ERN1: variants seen among roughly 807,000 people sequenced by gnomAD.
ERN1 encodes the protein serine/threonine-protein kinase/endoribonuclease IRE1.
A neutral mutation model predicts 113.1 loss-of-function variants in ERN1; 39 were observed. That is an observed-to-expected ratio of 0.34 (90% CI 0.27 to 0.45). The LOEUF (loss-of-function observed/expected upper bound fraction) is 0.45, where lower values mean the gene tolerates loss of function less well. Ranked by LOEUF, ERN1 falls within the 20% of genes least tolerant of loss-of-function variation. The pLI is 1.00. For synonymous variants in ERN1, 507 were observed against 515.9 expected, an observed-to-expected ratio of 0.98 and a Z score of 0.23; for missense variants, 976 against 1,274.8, an observed-to-expected ratio of 0.77 and a Z score of 3.57.
chr17:64,089,909 G>A (rs1914042309), intron 2 of ERN1, among the ~76,000 whole-genome samples: 1 of 151,864 alleles, frequency 6.6e-6, no homozygotes, highest in Admixed American at 6.6e-5. Flanking sequence ...TTCTAATACT[G>A]TTTTCTTATT....
intron 1 of ERN1, among the ~76,000 whole-genome samples, chr17:64,109,433 C>T (rs1052585944): frequency 1.3e-5 from 2 of 152,208 alleles, no homozygotes; most frequent in African/African-American, 2.4e-5. Flanking sequence ...CTATGAAATA[C>T]ACCCCGAGTT....
chr17:64,108,081 C>G (rs1914576742), intron 1 of ERN1, among the ~76,000 whole-genome samples: 1 of 152,002 alleles, frequency 6.6e-6, no homozygotes, highest in Non-Finnish European at 1.5e-5. Flanking sequence ...CCAAACTAAG[C>G]AGCTGAGAGA....
chr17:64,116,588 G>A (rs1284013144), intron 1 of ERN1, among the ~76,000 whole-genome samples: 1 of 151,680 alleles, frequency 6.6e-6, no homozygotes, highest in African/African-American at 2.4e-5. Context: ...TCAATTTATC[G>A]GGAGATGTTA....
At chr17:64,112,306 C>T (rs1320624322) in intron 1 of ERN1, among the ~76,000 whole-genome samples, 5 of 150,398 alleles carry the variant, frequency 3.3e-5, no homozygotes, top group East Asian at 1.9e-4. Flanking sequence ...AGGTGGACAG[C>T]GCAGTGAGCT....
Position 64,121,007 on chromosome 17 carries a change from A to G in ERN1, c.54+8969T>C, listed in dbSNP as rs549068202. On this transcript the variant is annotated intron_variant, in intron 1 of 21. Transcript: ENST00000433197. The stretch of plus-strand genomic sequence containing the variant: ...AAATGCCACAGAGGATGCAACCATC[A>G]GCAAGCCAGGGTCCCTGCCTTCTCG... Among the ~76,000 whole-genome samples the G allele has an allele frequency of 2.6e-4, 39 of 152,332 alleles. No individual in the cohort carries two copies. In the East Asian group the frequency reaches 6.2e-3, roughly 24 times the overall value.
intron 2 of ERN1, among the ~76,000 whole-genome samples, chr17:64,086,743 T>C (rs1243711935): frequency 7.1e-6 from 1 of 140,520 alleles, no homozygotes; most frequent in Non-Finnish European, 1.5e-5. Flanking sequence ...ACCTCCTGAG[T>C]TCAAGTGACT....
intron 1 of ERN1, among the ~76,000 whole-genome samples, chr17:64,120,475 G>C (rs1283418254): frequency 2.0e-5 from 3 of 152,172 alleles, no homozygotes; most frequent in African/African-American, 7.2e-5. Flanking sequence ...ATCTGACAGA[G>C]AGGGGGGAAA....
intron 1 of ERN1, among the ~76,000 whole-genome samples, chr17:64,106,732 AC>A (rs1239008878): frequency 7.0e-6 from 1 of 142,088 alleles, no homozygotes; most frequent in African/African-American, 2.9e-5. Flanking sequence ...ACACACACAC[AC>A]ACACACACAC....
intron 1 of ERN1, among the ~76,000 whole-genome samples, chr17:64,109,129 A>G (rs551436783): frequency 1.6e-3 from 238 of 151,636 alleles, no homozygotes; most frequent in African/African-American, 5.6e-3. Context: ...CATCTCAAAA[A>G]AAATAGAAAA....
At chr17:64,121,697 C>G (rs1318140460) in intron 1 of ERN1, among the ~76,000 whole-genome samples, 1 of 152,178 alleles carries the variant, frequency 6.6e-6, no homozygotes, top group Non-Finnish European at 1.5e-5. Context: ...CCATGTTGGC[C>G]AGGCTGGTCT....
intron 4 of ERN1, among the ~76,000 whole-genome samples, chr17:64,079,095 C>A (rs895514551): frequency 2.0e-5 from 3 of 152,134 alleles, no homozygotes; most frequent in Non-Finnish European, 4.4e-5. Context: ...TTTCTAAATT[C>A]TCTTATCTGG....
Position 64,075,192 on chromosome 17 carries a change from T to C in ERN1, c.338A>G (p.Asp113Gly). 6.5e-7 allele frequency: 1 copy of C among 1,537,334 alleles called. No homozygotes were observed. The highest frequency in any genetic ancestry group is 8.8e-7 in the Non-Finnish European group (1 of 1,141,572). The change falls in exon 5 of 22, where the codon GAT (aspartate) becomes GGT (glycine). Residue 113 changes from aspartate to glycine, a missense_variant. Asp to Gly is a moderately conservative substitution (Grantham distance 94, BLOSUM62 -1). Around this residue, in one of 5 missense-constraint regions of ERN1, gnomAD observed 459 missense variants for 581.2 expected, o/e 0.79. Transcript: ENST00000433197. ...ACTCTTACCCATGTAGAGGATTCCA[T>C]CTGAACTTCGGCATGGGGATGCCTG... Reference protein sequence around the residue: ...LVQASPCRSSDGILYMGKKQD... With the variant: ...LVQASPCRSSGGILYMGKKQD...
intron 3 of ERN1, among the ~76,000 whole-genome samples, 191 bp from the exon 4 acceptor site, chr17:64,079,925 C>T (rs887038085): frequency 2.0e-5 from 3 of 152,116 alleles, no homozygotes. Context: ...TAAAATACCC[C>T]TATGGTGGTA....
chr17:64,117,491 TAAAG>T (rs1221718226), intron 1 of ERN1, among the ~76,000 whole-genome samples: 1 of 151,546 alleles, frequency 6.6e-6, no homozygotes, highest in Non-Finnish European at 1.5e-5. Context: ...AAATAGAAAG[TAAAG>T]AAAAATCAAC....
Position 64,130,083 on chromosome 17 carries a change from G to A in ERN1, c.-54C>T, listed in dbSNP as rs1475886975. 19 of 1,321,742 alleles carry A rather than the reference G, an allele frequency of 1.4e-5. No individual in the cohort carries two copies. Among genetic ancestry groups the A allele is most frequent in the Non-Finnish European group, 1.8e-5 (19 of 1,037,682 alleles). The allele number at this position is 1,321,742 out of a possible 1,614,324, so 81.9% of individuals were successfully genotyped here. A position where few individuals can be genotyped will look rare whatever the true frequency, so the allele number is the denominator to read the frequency against. On this transcript the variant is annotated 5_prime_UTR_variant, in exon 1 of 22. Transcript: ENST00000433197. This position sits in a 1 kb window ranked among gnomAD's most constrained non-coding sequence, Gnocchi z 4.0. ...CGGTACGGACAGAGGACGGGGCGGG[G>A]GCGCCGCGACGACAGCGAGGCGGTG...
At chr17:64,079,853 GTATAAGTGAGTA>G (rs1913713481) in intron 3 of ERN1, 119 bp from the exon 4 acceptor site, 1 of 688,986 alleles carries the variant, frequency 1.5e-6, no homozygotes, top group South Asian at 1.7e-5. Context: ...GTGTGTAGGT[GTATAAGTGAGTA>G]TATAAGACAA....
intron 2 of ERN1, among the ~76,000 whole-genome samples, chr17:64,088,426 T>C (rs544503219): frequency 6.6e-6 from 1 of 152,270 alleles, no homozygotes; most frequent in South Asian, 2.1e-4. Context: ...ATGTTCTGGG[T>C]TGGTATTCAA....
chr17:64,074,577 G>A (rs1281474898), intron 5 of ERN1, among the ~76,000 whole-genome samples: 1 of 152,214 alleles, frequency 6.6e-6, no homozygotes, highest in Non-Finnish European at 1.5e-5. Flanking sequence ...TCCTCAAAAA[G>A]AAAGCTGCTG....
chr17:64,062,162 G>T (rs1006353997), intron 10 of ERN1, among the ~76,000 whole-genome samples: 11 of 152,226 alleles, frequency 7.2e-5, no homozygotes, highest in Non-Finnish European at 1.2e-4. Flanking sequence ...GCTAGGCCCT[G>T]CCCCAGACCT....
Sources: gnomAD v4.1 joint callset for allele counts (sites outside exome capture counted in the v4.1 genomes callset) on GRCh38, gnomAD v4.1.1 for gene constraint, gnomAD v4.1.1 regional missense constraint, Gnocchi (gnomAD v3.1) non-coding constraint, MANE v1.5 for transcripts, NCBI Gene and HGNC (gene_info 2026-07-23, HGNC 2026-07-21) for gene names.